Variants in CTNNA1 observed in about 807,000 individuals in gnomAD.
The protein encoded by CTNNA1 is catenin alpha-1.
CTNNA1 carries 37 observed loss-of-function variants against 98.4 expected under a neutral mutation model. The ratio of observed to expected loss-of-function variants is 0.38; its 90% confidence interval spans 0.29 to 0.49. The LOEUF is 0.49. Among genes scored for constraint, CTNNA1 ranks in the 20% least tolerant of loss-of-function variants. The probability of loss-of-function intolerance (pLI) is 0.95; values close to 1 mark genes in which losing one functional copy is unlikely to be tolerated. For synonymous variants in CTNNA1, 404 were observed against 413.2 expected (o/e 0.98, Z 0.27); for missense variants, 761 against 1,147.2 (o/e 0.66, Z 4.86).
chr5:138,812,388 C>A, intron 5 of CTNNA1, 86 bp downstream of exon 5: 1 of 1,407,302 alleles, frequency 7.1e-7, no homozygotes, highest in Non-Finnish European at 9.7e-7. Flanking sequence ...TCTGAAAGTA[C>A]CATTACTTAC....
chr5:138,934,668 A>G lies in CTNNA1; in HGVS notation c.*579A>G, dbSNP rs1391537136. On this transcript the variant is annotated 3_prime_UTR_variant, in exon 18 of 18. Coordinates refer to ENST00000302763, the MANE Select transcript of CTNNA1 (RefSeq NM_001903.5). ...TTTTAATGCATTGTTATAATTACTA[A>G]TGTACGCTGCTGCAGGACATTAATA... 6.5e-6 allele frequency: 1 copy of G among 153,160 alleles called. No homozygotes were observed. The highest frequency in any genetic ancestry group is 1.5e-5 in the Non-Finnish European group (1 of 68,466). The allele number at this position is 153,160 out of a possible 1,614,324, so 9.5% of individuals were successfully genotyped here. A position where few individuals can be genotyped will look rare whatever the true frequency, so the allele number is the denominator to read the frequency against.
chr5:138,808,473 A>G (rs1373695044), intron 3 of CTNNA1, among the ~76,000 whole-genome samples: 1 of 152,132 alleles, frequency 6.6e-6, no homozygotes, highest in African/African-American at 2.4e-5. Flanking sequence ...GATCCAGGAA[A>G]ACCTTTTAAC....
intron 10 of CTNNA1, among the ~76,000 whole-genome samples, chr5:138,906,491 A>G (rs968933152): frequency 6.6e-6 from 1 of 152,238 alleles, no homozygotes; most frequent in Admixed American, 6.5e-5. Flanking sequence ...GTGGAAACAG[A>G]TGGTAGCATA....
rs1338186632 is a variant in CTNNA1, at chr5:138,904,430, C to T, written c.1378C>T (p.Leu460Phe). The change falls in exon 10 of 18, where the codon CTC becomes TTC. Residue 460 changes from leucine (L) to phenylalanine (F), a missense_variant. Leu to Phe is a conservative substitution (Grantham distance 22). Around this residue, in one of 6 missense-constraint regions of CTNNA1, gnomAD observed 287 missense variants for 436.0 expected, o/e 0.66. Coordinates refer to ENST00000302763, the MANE Select transcript of CTNNA1 (RefSeq NM_001903.5). The part of the protein sequence containing the change: ...VRMSASQLEA[L>F]CPQVINAALA... ...AATGTCTGCAAGCCAGTTAGAAGCC[C>T]TCTGTCCTCAGGTAAAGTACAACTG... 5 of 1,613,908 alleles carry T rather than the reference C, an allele frequency of 3.1e-6. No homozygotes were observed. The highest frequency in any genetic ancestry group is 4.2e-6 in the Non-Finnish European group (5 of 1,179,846).
chr5:138,827,119 C>G (rs1490630392), intron 6 of CTNNA1, among the ~76,000 whole-genome samples: 2 of 152,152 alleles, frequency 1.3e-5, no homozygotes, highest in Non-Finnish European at 2.9e-5. Flanking sequence ...TGCAACAGTT[C>G]TAAATATCAC....
At chr5:138,780,150 A>C (rs1441012691) in intron 1 of CTNNA1, among the ~76,000 whole-genome samples, 1 of 152,082 alleles carries the variant, frequency 6.6e-6, no homozygotes, top group Non-Finnish European at 1.5e-5. Context: ...TTTCTGGGTC[A>C]TACAAATGTA....
chr5:138,834,341 G>A (rs1761565764), intron 7 of CTNNA1, among the ~76,000 whole-genome samples: 2 of 151,858 alleles, frequency 1.3e-5, no homozygotes, highest in African/African-American at 2.4e-5. Context: ...GACTTAATTC[G>A]GATCTGTGTA....
In CTNNA1 at chr5:138,873,893, G is replaced by A. The variant is rs751764437; in HGVS notation, c.1063-12319G>A. The A allele has an allele frequency of 6.2e-7, 1 of 1,614,030 alleles. No homozygotes were observed. The highest frequency in any genetic ancestry group is 8.5e-7 in the Non-Finnish European group (1 of 1,179,900). On this transcript the variant is annotated intron_variant, in intron 7 of 17. Transcript: ENST00000302763. The surrounding 1 kb of genome is among the most constrained non-coding windows in gnomAD (Gnocchi z 6.1). Reference sequence around the variant, plus strand: ...CAGACTGCTTAGCCGTAGGAAATGAGCAAAATTAATCTTCGTCAGCTGGTT... The same window carrying A: ...CAGACTGCTTAGCCGTAGGAAATGAACAAAATTAATCTTCGTCAGCTGGTT...
At chr5:138,811,909 G>A (rs1268538684) in intron 4 of CTNNA1, 4 of 309,078 alleles carry the variant, frequency 1.3e-5, no homozygotes, top group South Asian at 1.3e-4. Flanking sequence ...GGAGACCGTG[G>A]AAAGAGAGGG....
intron 7 of CTNNA1, among the ~76,000 whole-genome samples, chr5:138,847,038 A>G (rs1581249409): frequency 1.3e-5 from 2 of 152,124 alleles, no homozygotes; most frequent in Admixed American, 1.3e-4. Flanking sequence ...GGGGTTGGGT[A>G]TTTTGGTTGA....
At chr5:138,771,555 T>C (rs1753558033) in intron 1 of CTNNA1, among the ~76,000 whole-genome samples, 1 of 152,066 alleles carries the variant, frequency 6.6e-6, no homozygotes, top group African/African-American at 2.4e-5. Context: ...TTTTTTCTTT[T>C]TAAAAGTTGT....
At position 138,873,883 on chromosome 5, in the gene CTNNA1, T is replaced by G; in HGVS notation, c.1063-12329T>G. The G allele has an allele frequency of 6.2e-7, 1 of 1,614,010 alleles. No individual in the cohort carries two copies. Among genetic ancestry groups the G allele is most frequent in the Non-Finnish European group, 8.5e-7 (1 of 1,179,900 alleles). On this transcript the variant is annotated intron_variant, in intron 7 of 17. Coordinates refer to ENST00000302763, the MANE Select transcript of CTNNA1 (RefSeq NM_001903.5). This position sits in a 1 kb window ranked among gnomAD's most constrained non-coding sequence, Gnocchi z 6.1. ...AGAGCGTGTGCAGACTGCTTAGCCG[T>G]AGGAAATGAGCAAAATTAATCTTCG...
At chr5:138,840,888 T>C (rs541795742) in intron 7 of CTNNA1, among the ~76,000 whole-genome samples, 1 of 152,348 alleles carries the variant, frequency 6.6e-6, no homozygotes, top group African/African-American at 2.4e-5. Context: ...TTTTTGTCTT[T>C]AACCCTCTCC....
chr5:138,905,445 A>G (rs1385171999), intron 10 of CTNNA1, among the ~76,000 whole-genome samples: 2 of 152,164 alleles, frequency 1.3e-5, no homozygotes, highest in African/African-American at 2.4e-5. Flanking sequence ...CTATTCACCT[A>G]TATTCATTTT....
chr5:138,811,986 A>G (rs889204920), intron 4 of CTNNA1, 197 bp from the exon 5 acceptor site: 41 of 478,310 alleles, frequency 8.6e-5, no homozygotes, highest in African/African-American at 7.2e-4. Context: ...TTTAGAGGCC[A>G]ATATTAGTGT....
At chr5:138,836,734 T>G (rs1314916710) in intron 7 of CTNNA1, among the ~76,000 whole-genome samples, 1 of 152,190 alleles carries the variant, frequency 6.6e-6, no homozygotes. Context: ...AGACTGTCCT[T>G]TATATCACTT....
intron 1 of CTNNA1, 88 bp downstream of exon 1, chr5:138,753,598 G>A (rs1383082227): frequency 8.3e-6 from 3 of 362,994 alleles, no homozygotes; most frequent in African/African-American, 4.3e-5. Flanking sequence ...GCTGGGCCCC[G>A]CGAGCCGCGG....
intron 7 of CTNNA1, among the ~76,000 whole-genome samples, chr5:138,878,586 C>T (rs1179830229): frequency 6.6e-6 from 1 of 152,164 alleles, no homozygotes; most frequent in Non-Finnish European, 1.5e-5. Flanking sequence ...AGCAAATTAA[C>T]TGAGTCAAGT....
At chr5:138,760,183 G>A (rs978079220) in intron 1 of CTNNA1, among the ~76,000 whole-genome samples, 1 of 150,306 alleles carries the variant, frequency 6.7e-6, no homozygotes, top group Admixed American at 6.7e-5. Flanking sequence ...TAGTAGAGAC[G>A]GGGTTTCTCC....
Sources: allele counts gnomAD v4.1 joint callset (sites outside exome capture counted in the v4.1 genomes callset), GRCh38; gene constraint gnomAD v4.1.1; regional missense constraint gnomAD v4.1.1; non-coding constraint Gnocchi (gnomAD v3.1); transcripts MANE v1.5; gene names NCBI Gene and HGNC (gene_info 2026-07-23, HGNC 2026-07-21).